Variants in TMED8 observed in about 807,000 individuals in gnomAD.
TMED8 encodes the protein protein TMED8.
A neutral mutation model predicts 32.7 loss-of-function variants in TMED8; 15 were observed. That is an observed-to-expected ratio of 0.46 (90% CI 0.31 to 0.71). The LOEUF is 0.71. Among genes scored for constraint, TMED8 ranks in the 30% least tolerant of loss-of-function variants. TMED8 has a pLI of 0.06. For missense variants in TMED8, 390 were observed against 423.9 expected, an observed-to-expected ratio of 0.92 and a Z score of 0.70; for synonymous variants, 147 against 161.4, an observed-to-expected ratio of 0.91 and a Z score of 0.68.
chr14:77,351,617 C>T, intron 2 of TMED8, 56 bp downstream of exon 2: 1 of 1,477,424 alleles, frequency 6.8e-7, no homozygotes, highest in Non-Finnish European at 9.3e-7. Context: ...TTTCTTTCAC[C>T]AGTTCCTCAT....
intron 1 of TMED8, among the ~76,000 whole-genome samples, chr14:77,364,340 T>C (rs1424771313): frequency 6.6e-6 from 1 of 151,740 alleles, no homozygotes; most frequent in Non-Finnish European, 1.5e-5. Context: ...AGCCTTAACC[T>C]CTCGAGTAGC....
intron 3 of TMED8, among the ~76,000 whole-genome samples, chr14:77,345,497 C>T (rs1725719230): frequency 1.3e-5 from 2 of 151,932 alleles, no homozygotes; most frequent in Non-Finnish European, 2.9e-5. Context: ...CCCCATCCCG[C>T]CCCCATCCCT....
intron 1 of TMED8, among the ~76,000 whole-genome samples, chr14:77,353,367 A>G (rs563399820): frequency 6.6e-6 from 1 of 152,122 alleles, no homozygotes; most frequent in Admixed American, 6.5e-5. Flanking sequence ...GACAGGCAAA[A>G]TTTTTAATCC....
rs1469744196 is a variant in TMED8, at chr14:77,337,123, G to GA, written c.*4647dup. On this transcript the variant is annotated 3_prime_UTR_variant, in exon 6 of 6. Coordinates refer to ENST00000216468, the MANE Select transcript of TMED8 (RefSeq NM_213601.3). ...TAAAGTGCATGTATCAATTCATTAAGAAAAAAATAACTAAGAATGGTCTAA... is the reference window on the plus strand; with the variant it reads ...TAAAGTGCATGTATCAATTCATTAAGAAAAAAAATAACTAAGAATGGTCTAA... 3 of 151,990 alleles carry GA rather than the reference G, an allele frequency of 2.0e-5. No homozygotes were observed. Among genetic ancestry groups the GA allele is most frequent in the African/African-American group, 4.8e-5 (2 of 41,390 alleles). 9.4% of individuals were successfully genotyped at this position (151,990 alleles called of 1,614,324 possible).
intron 1 of TMED8, among the ~76,000 whole-genome samples, chr14:77,356,590 T>C (rs1443445355): frequency 6.6e-6 from 1 of 152,216 alleles, no homozygotes; most frequent in African/African-American, 2.4e-5. Context: ...TACATTCATT[T>C]AGAACAAATC....
chr14:77,365,074 A>G (rs1219283757), intron 1 of TMED8, among the ~76,000 whole-genome samples: 1 of 152,176 alleles, frequency 6.6e-6, no homozygotes, highest in Non-Finnish European at 1.5e-5. Context: ...CCACTCAACA[A>G]TGATATTTAT....
Position 77,376,502 on chromosome 14 carries a change from G to A in TMED8, c.118+434C>T, listed in dbSNP as rs961129730. 6.6e-6 allele frequency among the ~76,000 whole-genome samples: 1 copy of A among 152,214 alleles called. No individual in the cohort carries two copies. Among genetic ancestry groups the A allele is most frequent in the African/African-American group, 2.4e-5 (1 of 41,534 alleles). ...GTGGGGGCCGAGAGGCGCGTGGTAA[G>A]GCTGGGGCAGGGGACTGAGATGGGG... On this transcript the variant is annotated intron_variant, in intron 1 of 5. Transcript: ENST00000216468. This position sits in a 1 kb window ranked among gnomAD's most constrained non-coding sequence, Gnocchi z 4.0.
chr14:77,367,745 G>A (rs561718760), intron 1 of TMED8, among the ~76,000 whole-genome samples: 1 of 151,482 alleles, frequency 6.6e-6, no homozygotes, highest in African/African-American at 2.4e-5. Flanking sequence ...CCAGGCTGGA[G>A]TGCAATGGTG....
chr14:77,345,220 C>CAAGTGATCTGCCTGCCTCGGCCTCCCA (rs1892996478), intron 3 of TMED8, among the ~76,000 whole-genome samples: 1 of 152,260 alleles, frequency 6.6e-6, no homozygotes, highest in East Asian at 1.9e-4. Context: ...CCCCTGACCT[C>CAAGTGATCTGCCTGCCTCGGCCTCCCA]AAGTGATCTG....
rs1892884680 is a variant in TMED8 at position 77,341,065 on chromosome 14, TGGG to T, written c.*703_*705del. 6.6e-6 allele frequency: 1 copy of T among 152,128 alleles called. No homozygotes were observed. Among genetic ancestry groups the T allele is most frequent in the South Asian group, 2.1e-4 (1 of 4,832 alleles). The allele number at this position is 152,128 out of a possible 1,614,324, so 9.4% of individuals were successfully genotyped here. On this transcript the variant is annotated 3_prime_UTR_variant, in exon 6 of 6. Transcript: ENST00000216468. ...AACCAGCTCTTGGAATAGGAAATAA[TGGG>T]GGCAGTTTTTCTTCCCACAAGATCT...
At chr14:77,350,231 G>A (rs1334030313) in intron 2 of TMED8, among the ~76,000 whole-genome samples, 1 of 152,096 alleles carries the variant, frequency 6.6e-6, no homozygotes, top group Non-Finnish European at 1.5e-5. Flanking sequence ...CTCTTGGTGG[G>A]ACGTGAAAGC....
intron 2 of TMED8, among the ~76,000 whole-genome samples, 172 bp downstream of exon 2, chr14:77,351,501 T>C (rs1893178074): frequency 7.0e-6 from 1 of 142,900 alleles, no homozygotes; most frequent in African/African-American, 2.6e-5. Context: ...GACCTCGTGA[T>C]CCACCCGCCT....
Position 77,339,511 on chromosome 14 carries a change from A to T in TMED8, c.*2260T>A, listed in dbSNP as rs1892842188. On this transcript the variant is annotated 3_prime_UTR_variant, in exon 6 of 6. Transcript: ENST00000216468. The stretch of plus-strand genomic sequence containing the variant: ...CAATTTGAGAGAAAGGCAGAAGTTA[A>T]TAATAAACAGGAAAAATAAGCAAGG... The T allele has an allele frequency of 1.3e-5, 2 of 152,248 alleles. No homozygotes were observed. Among genetic ancestry groups the T allele is most frequent in the South Asian group, 4.1e-4 (2 of 4,838 alleles). The allele number at this position is 152,248 out of a possible 1,614,324, so 9.4% of individuals were successfully genotyped here. A position where few individuals can be genotyped will look rare whatever the true frequency, so the allele number is the denominator to read the frequency against.
At chr14:77,354,248 T>C (rs944239677) in intron 1 of TMED8, among the ~76,000 whole-genome samples, 4 of 152,228 alleles carry the variant, frequency 2.6e-5, no homozygotes, top group Admixed American at 2.6e-4. Context: ...CTAGATTTCT[T>C]AACTGCAAAC....
chr14:77,343,370 C>T lies in TMED8; in HGVS notation c.568G>A (p.Val190Met). ...NSRLVVKRGE[V>M]VTIRVPTHPE... ...TGAGTAGGTACCCGGATGGTCACCA[C>T]CTCACCACGCTTCACCACCAGACGG... The change falls in exon 5 of 6, where the codon GTG becomes ATG. Residue 190 changes from valine (V) to methionine (M), a missense_variant. Transcript: ENST00000216468. The T allele has an allele frequency of 1.9e-6, 3 of 1,614,184 alleles. No individual in the cohort carries two copies. The highest frequency in any genetic ancestry group is 1.1e-5 in the South Asian group (1 of 91,084).
intron 1 of TMED8, among the ~76,000 whole-genome samples, chr14:77,372,928 ATATATATATATATATATATATATATTT>A (rs1566696311): frequency 1.9e-4 from 5 of 26,424 alleles, no homozygotes; most frequent in African/African-American, 1.5e-3. Flanking sequence ...ATATATATAT[ATATATATATATATATATATATATATTT>A]TTTTTTTTTT....
rs1893468412 is a variant in TMED8 at position 77,362,815 on chromosome 14, G to T, written c.119-11064C>A. Among the ~76,000 whole-genome samples, 4 of 152,250 alleles carry T rather than the reference G, an allele frequency of 2.6e-5. No individual in the cohort carries two copies. In the South Asian group the frequency reaches 8.3e-4, roughly 32 times the overall value. The stretch of plus-strand genomic sequence containing the variant: ...GATATTCCATGTAAACAGTAACCAA[G>T]AAAGAGCAGAGGTGGCTGTACTTAG... On this transcript the variant is annotated intron_variant, in intron 1 of 5. Coordinates refer to ENST00000216468, the MANE Select transcript of TMED8 (RefSeq NM_213601.3).
intron 1 of TMED8, among the ~76,000 whole-genome samples, chr14:77,375,569 C>A (rs564000673): frequency 6.6e-6 from 1 of 152,146 alleles, no homozygotes; most frequent in Non-Finnish European, 1.5e-5. Context: ...TAATACAAAG[C>A]AGAGTTCGTA....
intron 1 of TMED8, among the ~76,000 whole-genome samples, chr14:77,371,800 C>T (rs1250783945): frequency 1.3e-5 from 2 of 152,022 alleles, no homozygotes; most frequent in African/African-American, 2.4e-5. Flanking sequence ...ATTATATTAG[C>T]CAAATATAAG....
Sources: allele counts gnomAD v4.1 joint callset (sites outside exome capture counted in the v4.1 genomes callset), GRCh38; gene constraint gnomAD v4.1.1; non-coding constraint Gnocchi (gnomAD v3.1); transcripts MANE v1.5; gene names NCBI Gene and HGNC (gene_info 2026-07-23, HGNC 2026-07-21).